STARD13: variants seen among roughly 807,000 people sequenced by gnomAD.
STARD13 encodes the protein stAR-related lipid transfer protein 13.
STARD13 carries 62 observed loss-of-function variants against 106.4 expected under a neutral mutation model. That is an observed-to-expected ratio of 0.58 (90% CI 0.48 to 0.72). The LOEUF (loss-of-function observed/expected upper bound fraction) is 0.72. Ranked by LOEUF, STARD13 falls within the 30% of genes least tolerant of loss-of-function variation. STARD13 has a pLI of 0.00. For synonymous variants in STARD13, 565 were observed against 553.0 expected (o/e 1.02, Z -0.31); for missense variants, 1,387 against 1,424.0 (o/e 0.97, Z 0.42).
the STARD13 span, among the ~76,000 whole-genome samples, chr13:33,374,391 G>A: frequency 6.6e-6 from 1 of 152,114 alleles, no homozygotes; most frequent in African/African-American, 2.4e-5. Flanking sequence ...TGTGCTTAAT[G>A]CCAAAGAACT....
At chr13:33,484,459 A>G in the STARD13 span, among the ~76,000 whole-genome samples, 1 of 152,168 alleles carries the variant, frequency 6.6e-6, no homozygotes, top group Admixed American at 6.5e-5. Context: ...GACCATATGA[A>G]TACACCTGGA....
At chr13:33,253,608 C>T (rs972834489) in intron 1 of STARD13, among the ~76,000 whole-genome samples, 2 of 152,132 alleles carry the variant, frequency 1.3e-5, no homozygotes, top group South Asian at 2.1e-4. Flanking sequence ...CCGAGGCTGC[C>T]GGTCAGTGAT....
At chr13:33,423,325 C>T in the STARD13 span, among the ~76,000 whole-genome samples, 2 of 152,124 alleles carry the variant, frequency 1.3e-5, no homozygotes, top group South Asian at 4.1e-4. Flanking sequence ...TTTATGCAGC[C>T]AACAGACACA....
At chr13:33,262,662 A>ACAACACACACACACACACAC (rs5802678) in intron 1 of STARD13, among the ~76,000 whole-genome samples, 4 of 114,900 alleles carry the variant, frequency 3.5e-5, no homozygotes, top group African/African-American at 1.3e-4. Context: ...ACACACACAC[A>ACAACACACACACACACACAC]ACACACACAC....
At chr13:33,525,044 C>G in the STARD13 span, among the ~76,000 whole-genome samples, 2 of 152,074 alleles carry the variant, frequency 1.3e-5, no homozygotes, top group East Asian at 1.9e-4. Context: ...TTCTTAGAGA[C>G]AGGGTCTCGC....
At chr13:33,427,129 G>A in the STARD13 span, among the ~76,000 whole-genome samples, 43 of 152,002 alleles carry the variant, frequency 2.8e-4, no homozygotes, top group Non-Finnish European at 4.1e-4. Flanking sequence ...TTATTATCTC[G>A]TTTAACACTA....
chr13:33,537,423 A>C, the STARD13 span, among the ~76,000 whole-genome samples: 1 of 152,274 alleles, frequency 6.6e-6, no homozygotes, highest in African/African-American at 2.4e-5. Context: ...GACATTTTAC[A>C]AACAATCTTA....
chr13:33,493,315 T>A, the STARD13 span, among the ~76,000 whole-genome samples: 896 of 152,156 alleles, frequency 5.9e-3, 4 homozygotes, highest in African/African-American at 0.019. Context: ...CACTCAACTA[T>A]CCCAACCCCT....
chr13:33,248,146 T>A (rs1889923844), intron 1 of STARD13, among the ~76,000 whole-genome samples: 1 of 152,176 alleles, frequency 6.6e-6, no homozygotes, highest in Admixed American at 6.5e-5. Context: ...ATGCCTGTAA[T>A]CCTAGCACTT....
At chr13:33,275,773 G>C (rs1485074787) in intron 1 of STARD13, 1 of 152,198 alleles carries the variant, frequency 6.6e-6, no homozygotes, top group Non-Finnish European at 1.5e-5. Flanking sequence ...TCAATTATTT[G>C]CTCCTAAGAA....
the STARD13 span, among the ~76,000 whole-genome samples, chr13:33,634,113 T>C: frequency 6.6e-6 from 1 of 152,228 alleles, no homozygotes; most frequent in Non-Finnish European, 1.5e-5. Context: ...TAAACATGGA[T>C]TGTTTAAATA....
chr13:33,421,636 C>G, the STARD13 span, among the ~76,000 whole-genome samples: 1 of 152,098 alleles, frequency 6.6e-6, no homozygotes, highest in East Asian at 1.9e-4. Context: ...GGCAGAGACA[C>G]AACAATAAAA....
rs142653371 is a variant in STARD13, at chr13:33,162,331, G to T, written c.323+3006C>A. Among the ~76,000 whole-genome samples, 172 of 152,348 alleles carry T rather than the reference G, an allele frequency of 1.1e-3. 1 individual carries two copies. The highest frequency in any genetic ancestry group is 4.0e-3 in the African/African-American group (165 of 41,572). On this transcript the variant is annotated intron_variant, in intron 3 of 13. Transcript: ENST00000336934. The stretch of plus-strand genomic sequence containing the variant: ...CTAGACTTCCAGGTCTATGATAGGA[G>T]GGACTGCTGTGAAGACCTATGACAT...
At chr13:33,241,216 C>T (rs1889474807) in intron 1 of STARD13, among the ~76,000 whole-genome samples, 1 of 152,080 alleles carries the variant, frequency 6.6e-6, no homozygotes, top group Admixed American at 6.6e-5. Flanking sequence ...CAAAACAGAC[C>T]TCTATTCATA....
chr13:33,587,230 A>AC, the STARD13 span, among the ~76,000 whole-genome samples: 7 of 151,458 alleles, frequency 4.6e-5, no homozygotes, highest in African/African-American at 1.7e-4. Context: ...AAAAAAAAAA[A>AC]AAATTCTCTT....
At chr13:33,305,813 C>T (rs1027679974) in intron 1 of STARD13, among the ~76,000 whole-genome samples, 2 of 152,150 alleles carry the variant, frequency 1.3e-5, no homozygotes, top group Non-Finnish European at 2.9e-5. Flanking sequence ...TCCTTCTGTG[C>T]TTATCTTATA....
At position 33,129,683 on chromosome 13, in the gene STARD13, C is replaced by T. The variant is rs368151654; in HGVS notation, c.994G>A (p.Glu332Lys). The change falls in exon 5 of 14, where the codon GAG becomes AAG. Residue 332 changes from glutamate to lysine, a missense_variant. Transcript: ENST00000336934. Reference protein sequence around the residue: ...GLPCSGKSSGESSPSEHSSSG... With the variant: ...GLPCSGKSSGKSSPSEHSSSG... ...CTGCTGTGCTCCGACGGGCTGCTCTCGCCACTCGACTTGCCAGAGCATGGG... is the reference window on the plus strand; with the variant it reads ...CTGCTGTGCTCCGACGGGCTGCTCTTGCCACTCGACTTGCCAGAGCATGGG... 19 of 1,613,942 alleles carry T rather than the reference C, an allele frequency of 1.2e-5. No homozygotes were observed. In the African/African-American group the frequency reaches 1.9e-4, roughly 16 times the overall value.
the STARD13 span, among the ~76,000 whole-genome samples, chr13:33,526,296 C>T: frequency 6.6e-6 from 1 of 151,920 alleles, no homozygotes; most frequent in Non-Finnish European, 1.5e-5. Flanking sequence ...CAGCCATATT[C>T]ATTTATGCCC....
chr13:33,278,428 C>G (rs989411460), intron 1 of STARD13: 13 of 152,166 alleles, frequency 8.5e-5, no homozygotes, highest in Admixed American at 2.6e-4. Flanking sequence ...TTTTACCTAC[C>G]CACCCACCCA....
Sources: gnomAD v4.1 joint callset for allele counts (sites outside exome capture counted in the v4.1 genomes callset) on GRCh38, gnomAD v4.1.1 for gene constraint, MANE v1.5 for transcripts, NCBI Gene and HGNC (gene_info 2026-07-23, HGNC 2026-07-21) for gene names.